Variants in ATP10B observed in about 807,000 individuals in gnomAD.
ATP10B encodes the protein phospholipid-transporting ATPase VB.
ATP10B carries 122 observed loss-of-function variants against 141.2 expected under a neutral mutation model. The observed-to-expected ratio is 0.86, with a 90% CI of 0.75 to 1.00. The LOEUF (loss-of-function observed/expected upper bound fraction) is 1.00. ATP10B is among the 50% of genes least tolerant of loss of function. The pLI is 0.00. For missense variants in ATP10B, 1,876 were observed against 1,825.3 expected, an observed-to-expected ratio of 1.03 and a Z score of -0.51; for synonymous variants, 685 against 692.0, an observed-to-expected ratio of 0.99 and a Z score of 0.16.
intron 18 of ATP10B, among the ~76,000 whole-genome samples, chr5:160,611,143 G>A (rs1757698060): frequency 6.6e-6 from 1 of 152,196 alleles, no homozygotes; most frequent in African/African-American, 2.4e-5. Context: ...GCCCAAGGGT[G>A]TAGGCATGGC....
the ATP10B span, among the ~76,000 whole-genome samples, chr5:160,874,271 T>C: frequency 1.2e-4 from 17 of 139,432 alleles, no homozygotes; most frequent in African/African-American, 3.4e-4. Context: ...CCCAGGAGGG[T>C]ACACTGACAC....
At position 160,569,534 on chromosome 5, in the gene ATP10B, G is replaced by A. The variant is rs751629560; in HGVS notation, c.3900C>T (p.Leu1300=). The A allele has an allele frequency of 2.7e-5, 43 of 1,613,800 alleles. No homozygotes were observed. The highest frequency in any genetic ancestry group is 3.3e-5 in the Admixed American group (2 of 59,974). ...EGQLSNPTFY[L]VCFLTPVVAL... ...CAACAACTGGTGTGAGAAAGCAGACGAGGTAGAAAGTGGGGTTTGAGAGCT... is the reference window on the plus strand; with the variant it reads ...CAACAACTGGTGTGAGAAAGCAGACAAGGTAGAAAGTGGGGTTTGAGAGCT... The change falls in exon 25 of 26, where the codon CTC becomes CTT. Residue 1300 remains leucine (L), a synonymous_variant. Coordinates refer to ENST00000327245, the MANE Select transcript of ATP10B (RefSeq NM_025153.3).
the ATP10B span, among the ~76,000 whole-genome samples, chr5:160,891,358 T>A: frequency 1.3e-5 from 2 of 152,210 alleles, no homozygotes; most frequent in South Asian, 4.1e-4. Context: ...GTGATTTTCC[T>A]CTTACCTCCT....
the ATP10B span, among the ~76,000 whole-genome samples, chr5:160,890,598 A>G: frequency 6.6e-6 from 1 of 152,176 alleles, no homozygotes; most frequent in Non-Finnish European, 1.5e-5. Flanking sequence ...TTTTCTCTGT[A>G]GCAGGCATCA....
intron 2 of ATP10B, among the ~76,000 whole-genome samples, chr5:160,727,151 C>T (rs1390537397): frequency 6.6e-6 from 1 of 152,190 alleles, no homozygotes; most frequent in African/African-American, 2.4e-5. Flanking sequence ...TCCAGATTAA[C>T]TGAGACCTGT....
chr5:160,683,956 C>A (rs915067154), intron 6 of ATP10B, among the ~76,000 whole-genome samples: 6 of 152,210 alleles, frequency 3.9e-5, no homozygotes, highest in Non-Finnish European at 7.3e-5. Flanking sequence ...CTTTGTAGAA[C>A]AATGACATGT....
At chr5:160,672,043 C>T (rs930553809) in intron 6 of ATP10B, among the ~76,000 whole-genome samples, 2 of 126,354 alleles carry the variant, frequency 1.6e-5, no homozygotes, top group Admixed American at 2.0e-4. Context: ...GTCGTACGAT[C>T]TTGGCTCACT....
intron 7 of ATP10B, among the ~76,000 whole-genome samples, chr5:160,652,979 TACA>T (rs1235311768): frequency 7.4e-3 from 688 of 93,406 alleles, no homozygotes; most frequent in Non-Finnish European, 8.8e-3. Flanking sequence ...ATATAATATA[TACA>T]TACATATTTA....
intron 2 of ATP10B, among the ~76,000 whole-genome samples, chr5:160,744,036 T>C (rs12659226): frequency 0.074 from 11,245 of 152,216 alleles, 414 homozygotes; most frequent in Middle Eastern, 0.085. Flanking sequence ...GGTATTTAAG[T>C]TCCAAATTTT....
the ATP10B span, among the ~76,000 whole-genome samples, chr5:160,894,621 A>G: frequency 6.6e-6 from 1 of 152,190 alleles, no homozygotes; most frequent in Non-Finnish European, 1.5e-5. Context: ...CCACGTTGGA[A>G]AACACTCTTC....
intron 24 of ATP10B, 31 bp from the exon 25 acceptor site, chr5:160,569,714 A>T: frequency 6.7e-7 from 1 of 1,503,530 alleles, no homozygotes; most frequent in South Asian, 1.3e-5. Flanking sequence ...ACACTGTTGA[A>T]GGTATAGCTG....
At chr5:160,908,395 G>T in the ATP10B span, among the ~76,000 whole-genome samples, 1 of 152,058 alleles carries the variant, frequency 6.6e-6, no homozygotes, top group Non-Finnish European at 1.5e-5. Context: ...TTGAATGTCC[G>T]CTGGCCCATA....
chr5:160,913,268 C>G, the ATP10B span, among the ~76,000 whole-genome samples: 1 of 152,218 alleles, frequency 6.6e-6, no homozygotes, highest in Non-Finnish European at 1.5e-5. Flanking sequence ...GTAGGACCGG[C>G]TGCTCCCTGT....
intron 2 of ATP10B, among the ~76,000 whole-genome samples, chr5:160,780,039 TTACTC>T (rs763969816): frequency 4.7e-4 from 72 of 152,352 alleles, no homozygotes; most frequent in African/African-American, 1.1e-3. Flanking sequence ...TATCATCTCT[TTACTC>T]TAATATGTAA....
At chr5:160,653,832 A>C (rs2127700815) in intron 7 of ATP10B, among the ~76,000 whole-genome samples, 1 of 128,452 alleles carries the variant, frequency 7.8e-6, no homozygotes, top group Non-Finnish European at 1.6e-5. Flanking sequence ...ACGTATATAC[A>C]TATATATTAT....
intron 1 of ATP10B, among the ~76,000 whole-genome samples, chr5:160,846,644 G>A (rs1396873041): frequency 6.6e-6 from 1 of 152,086 alleles, no homozygotes; most frequent in East Asian, 1.9e-4. Context: ...TACATATCCA[G>A]CGCTTAGTAG....
At chr5:160,877,672 G>A in the ATP10B span, among the ~76,000 whole-genome samples, 6 of 149,040 alleles carry the variant, frequency 4.0e-5, no homozygotes, top group Non-Finnish European at 9.0e-5. Context: ...AAGCTGATAA[G>A]TAACTTCAGC....
At chr5:160,708,308 A>G (rs908055123) in intron 3 of ATP10B, among the ~76,000 whole-genome samples, 1 of 152,132 alleles carries the variant, frequency 6.6e-6, no homozygotes, top group African/African-American at 2.4e-5. Context: ...AGGTAGCTAC[A>G]CTCAACCCCC....
intron 12 of ATP10B, chr5:160,632,612 C>A: frequency 3.9e-6 from 1 of 254,232 alleles, no homozygotes; most frequent in Non-Finnish European, 6.9e-6. Context: ...CACTTTATTT[C>A]CTCAGAGGTT....
Sources: allele counts gnomAD v4.1 joint callset (sites outside exome capture counted in the v4.1 genomes callset), GRCh38; gene constraint gnomAD v4.1.1; transcripts MANE v1.5; gene names NCBI Gene and HGNC (gene_info 2026-07-23, HGNC 2026-07-21).